The following KLF12 variants were observed in gnomAD, a reference collection of about 807,000 sequenced individuals.
KLF12 encodes Krueppel-like factor 12.
A neutral mutation model predicts 37.8 loss-of-function variants in KLF12; 9 were observed. The ratio of observed to expected loss-of-function variants is 0.24; its 90% confidence interval spans 0.14 to 0.42. The LOEUF (loss-of-function observed/expected upper bound fraction) is 0.42. Among genes scored for constraint, KLF12 ranks in the 10% least tolerant of loss-of-function variants. The pLI, the probability that KLF12 is intolerant of heterozygous loss-of-function variation, is 1.00. For synonymous variants in KLF12, 208 were observed against 202.1 expected (o/e 1.03, Z -0.25); for missense variants, 411 against 516.0 (o/e 0.80, Z 1.97).
chr13:73,926,054 G>GCC (rs1889359498), intron 3 of KLF12, among the ~76,000 whole-genome samples: 1 of 151,826 alleles, frequency 6.6e-6, no homozygotes, highest in Non-Finnish European at 1.5e-5. Flanking sequence ...CGACATTGTT[G>GCC]AAACAACAAC....
intron 7 of KLF12, among the ~76,000 whole-genome samples, chr13:73,706,933 T>C (rs1874995029): frequency 6.6e-6 from 1 of 152,220 alleles, no homozygotes; most frequent in African/African-American, 2.4e-5. Flanking sequence ...CACTGGCTTC[T>C]AACAAAATTT....
intron 1 of KLF12, among the ~76,000 whole-genome samples, chr13:74,098,429 T>C (rs1350839744): frequency 6.6e-6 from 1 of 152,198 alleles, no homozygotes; most frequent in African/African-American, 2.4e-5. Context: ...TGGTACAGAT[T>C]TTGACTTAGA....
At chr13:73,812,386 CA>C (rs11354700) in intron 5 of KLF12, among the ~76,000 whole-genome samples, 52,547 of 148,876 alleles carry the variant, frequency 0.35, 9,526 homozygotes, top group East Asian at 0.6. Context: ...TGCATTCTCA[CA>C]AAAAAAAAAA....
chr13:73,944,037 GCATTAA>G lies in KLF12; in HGVS notation c.61_66del (p.Met22_Leu23del). On this transcript the variant is annotated inframe_deletion, in exon 3 of 8. Transcript: ENST00000377669. ...ACTCTGACTGCCGGCATCCCATCAA[GCATTAA>G]CATTCTGTTCTCAAAGGTGTTGATA... The G allele has an allele frequency of 6.2e-7, 1 of 1,612,128 alleles. No homozygotes were observed. The highest frequency in any genetic ancestry group is 8.5e-7 in the Non-Finnish European group (1 of 1,178,846).
At chr13:74,243,412 CAT>C in the KLF12 span, among the ~76,000 whole-genome samples, 2 of 152,144 alleles carry the variant, frequency 1.3e-5, no homozygotes, top group African/African-American at 4.8e-5. Flanking sequence ...CTACAATAAA[CAT>C]ATGTGTGCAT....
chr13:73,981,620 C>G lies in KLF12; in HGVS notation c.33+13370G>C, dbSNP rs573120859. On this transcript the variant is annotated intron_variant, in intron 2 of 7. Coordinates refer to ENST00000377669, the MANE Select transcript of KLF12 (RefSeq NM_007249.5). ...GATGAAAAGAAAGGAAATTATAATA[C>G]AAAATTCAGGATAAATGGTTATGTG... Among the ~76,000 whole-genome samples the G allele has an allele frequency of 5.3e-5, 8 of 152,182 alleles. No individual in the cohort carries two copies. The South Asian group carries it at 1.7e-3, about 32-fold the overall frequency.
intron 6 of KLF12, among the ~76,000 whole-genome samples, chr13:73,738,966 G>T (rs542883589): frequency 1.3e-5 from 2 of 152,252 alleles, no homozygotes; most frequent in Admixed American, 1.3e-4. Context: ...TGGGCGTAGT[G>T]GCTCATGCCT....
At chr13:74,195,022 G>A in the KLF12 span, among the ~76,000 whole-genome samples, 1 of 152,162 alleles carries the variant, frequency 6.6e-6, no homozygotes, top group Non-Finnish European at 1.5e-5. Flanking sequence ...GGGGTGAAAA[G>A]GCATCGCGGA....
chr13:73,959,513 T>G (rs2139453918), intron 2 of KLF12, among the ~76,000 whole-genome samples: 1 of 150,686 alleles, frequency 6.6e-6, no homozygotes, highest in South Asian at 2.1e-4. Flanking sequence ...AAAATATATA[T>G]TATTTATATT....
intron 3 of KLF12, among the ~76,000 whole-genome samples, chr13:73,935,501 A>G (rs185666789): frequency 2.0e-4 from 30 of 152,252 alleles, no homozygotes; most frequent in Admixed American, 2.0e-4. Context: ...CGGATCCCTC[A>G]TTAATGGCTT....
chr13:74,036,451 C>A (rs1300059456), intron 1 of KLF12, among the ~76,000 whole-genome samples: 1 of 152,100 alleles, frequency 6.6e-6, no homozygotes, highest in Non-Finnish European at 1.5e-5. Context: ...GTCCCCACGC[C>A]CACCCACAGG....
At chr13:74,277,418 C>A in the KLF12 span, among the ~76,000 whole-genome samples, 2 of 152,126 alleles carry the variant, frequency 1.3e-5, no homozygotes, top group African/African-American at 4.8e-5. Context: ...TATGTCTTCC[C>A]TGGTAGTCAC....
intron 1 of KLF12, among the ~76,000 whole-genome samples, chr13:74,057,309 G>A (rs1054089153): frequency 2.6e-5 from 4 of 152,084 alleles, no homozygotes; most frequent in Non-Finnish European, 5.9e-5. Flanking sequence ...TCATAATGGC[G>A]AGACAGACAC....
the KLF12 span, among the ~76,000 whole-genome samples, chr13:74,160,452 A>G: frequency 2.0e-5 from 3 of 152,242 alleles, no homozygotes; most frequent in Non-Finnish European, 4.4e-5. Flanking sequence ...AGAATAAGAA[A>G]ACTCATCTAC....
intron 6 of KLF12, among the ~76,000 whole-genome samples, chr13:73,728,664 T>C (rs73529552): frequency 0.016 from 2,486 of 152,332 alleles, 74 homozygotes; most frequent in African/African-American, 0.056. Flanking sequence ...GCCTTTTCTG[T>C]GTCTATCAAG....
At chr13:73,975,945 C>G (rs1891507630) in intron 2 of KLF12, among the ~76,000 whole-genome samples, 1 of 152,168 alleles carries the variant, frequency 6.6e-6, no homozygotes. Flanking sequence ...CCACATACTT[C>G]CAATCAAAGC....
At chr13:74,039,450 T>C (rs1893345409) in intron 1 of KLF12, among the ~76,000 whole-genome samples, 1 of 151,952 alleles carries the variant, frequency 6.6e-6, no homozygotes, top group Non-Finnish European at 1.5e-5. Flanking sequence ...GAAGGACTGC[T>C]TGAGCCAGGT....
At chr13:74,178,858 A>T in the KLF12 span, among the ~76,000 whole-genome samples, 25 of 152,148 alleles carry the variant, frequency 1.6e-4, no homozygotes, top group African/African-American at 5.8e-4. Flanking sequence ...AACCCTCTGG[A>T]AATACTGGAA....
intron 5 of KLF12, chr13:73,801,188 A>G (rs1284045071): frequency 6.6e-6 from 1 of 152,036 alleles, no homozygotes; most frequent in African/African-American, 2.4e-5. Context: ...CTTTCATTTG[A>G]TGCGGGTAAG....
Sources: allele counts gnomAD v4.1 joint callset (sites outside exome capture counted in the v4.1 genomes callset), GRCh38; gene constraint gnomAD v4.1.1; transcripts MANE v1.5; gene names NCBI Gene and HGNC (gene_info 2026-07-23, HGNC 2026-07-21).